The following CA5B variants were observed in gnomAD, a reference collection of about 807,000 sequenced individuals.
CA5B encodes carbonic anhydrase 5B, mitochondrial.
Under a neutral mutation model 23.1 loss-of-function variants are expected in CA5B, and 15 were observed. The ratio of observed to expected loss-of-function variants is 0.65; its 90% CI spans 0.43 to 1.00. The LOEUF (loss-of-function observed/expected upper bound fraction) is 1.00, where lower values mean the gene tolerates loss of function less well. Among genes scored for constraint, CA5B ranks in the 50% least tolerant of loss-of-function variants. CA5B has a pLI of 0.00. For missense variants in CA5B, 236 were observed against 252.2 expected (o/e 0.94, Z 0.43); for synonymous variants, 84 against 98.5 (o/e 0.85, Z 0.87).
At position 15,756,825 on chromosome X, in the gene CA5B, C is replaced by T. The variant is rs537685732; in HGVS notation, c.142+6660C>T. 4.5e-5 allele frequency among the ~76,000 whole-genome samples: 5 copies of T among 110,961 alleles called. No individual in the cohort carries two copies. The South Asian group carries it at 1.5e-3, about 34-fold the overall frequency. On this transcript the variant is annotated intron_variant, in intron 2 of 7. Coordinates refer to ENST00000318636, the MANE Select transcript of CA5B (RefSeq NM_007220.4). ...ATCCCAGCACTTTGGGAGGCCAAGG[C>T]GGGTGGATCACAAGGTCAGGAGATC...
At chrX:15,750,356 A>T in intron 2 of CA5B, 191 bp downstream of exon 2, 1 of 385,913 alleles carries the variant, frequency 2.6e-6, no homozygotes, top group Non-Finnish European at 4.5e-6. Flanking sequence ...CCAGTGTAGG[A>T]TTATATGCCT....
chrX:15,747,526 A>G (rs1931259791), intron 1 of CA5B, among the ~76,000 whole-genome samples: 1 of 110,469 alleles, frequency 9.1e-6, no homozygotes, highest in African/African-American at 3.3e-5. Flanking sequence ...GAGGGGGGGT[A>G]GAAGATGTAT....
intron 2 of CA5B, 93 bp from the exon 3 acceptor site, chrX:15,764,485 C>G: frequency 1.7e-6 from 2 of 1,157,938 alleles, no homozygotes; most frequent in Non-Finnish European, 2.3e-6. Context: ...AGTGATCCAC[C>G]CGCCTTGGCC....
chrX:15,741,098 C>T (rs1931110451), intron 1 of CA5B, among the ~76,000 whole-genome samples: 1 of 108,915 alleles, frequency 9.2e-6, no homozygotes, highest in African/African-American at 3.3e-5. Context: ...GACGGAGTCT[C>T]GCCCTGTCAC....
intron 7 of CA5B, among the ~76,000 whole-genome samples, chrX:15,778,957 A>G (rs1480507492): frequency 9.0e-6 from 1 of 111,628 alleles, no homozygotes; most frequent in East Asian, 2.8e-4. Context: ...AAAAAAAATT[A>G]AGAAAGACAA....
chrX:15,756,476 T>A (rs1435944331), intron 2 of CA5B, among the ~76,000 whole-genome samples: 1 of 112,687 alleles, frequency 8.9e-6, no homozygotes, highest in African/African-American at 3.2e-5. Flanking sequence ...TGCTAAATGG[T>A]ATGAAAGCAA....
chrX:15,752,997 C>T (rs1315739196), intron 2 of CA5B, among the ~76,000 whole-genome samples: 2 of 111,008 alleles, frequency 1.8e-5, no homozygotes, highest in South Asian at 3.8e-4. Flanking sequence ...GCCCCCCCAA[C>T]CCCCACCCCA....
intron 7 of CA5B, among the ~76,000 whole-genome samples, chrX:15,777,862 G>A (rs775105145): frequency 9.0e-6 from 1 of 111,553 alleles, no homozygotes; most frequent in Non-Finnish European, 1.9e-5. Context: ...CAAATAGTAG[G>A]TTTTGAATGG....
chrX:15,747,514 A>G (rs1411543940), intron 1 of CA5B, among the ~76,000 whole-genome samples: 1 of 109,607 alleles, frequency 9.1e-6, no homozygotes, highest in African/African-American at 3.3e-5. Flanking sequence ...GAAAAATGGC[A>G]GGAGGGGGGG....
At position 15,786,584 on chromosome X, in the gene CA5B, G is replaced by T. The variant is rs917097958; in HGVS notation, c.*3920G>T. ...GAAGATTGTATTAAAATTGCTGTCC[G>T]TCTTCATTAAATAATACTAGATCGA... is the stretch of plus-strand genomic sequence containing the variant. On this transcript the variant is annotated 3_prime_UTR_variant, in exon 8 of 8. Coordinates refer to ENST00000318636, the MANE Select transcript of CA5B (RefSeq NM_007220.4). The T allele has an allele frequency of 1.8e-5, 2 of 111,201 alleles. No homozygotes were observed. Among genetic ancestry groups the T allele is most frequent in the Non-Finnish European group, 3.8e-5 (2 of 53,078 alleles). 9.2% of individuals were successfully genotyped at this position (111,201 alleles called of 1,213,427 possible).
chrX:15,752,454 G>A (rs940143797), intron 2 of CA5B, among the ~76,000 whole-genome samples: 7 of 112,238 alleles, frequency 6.2e-5, no homozygotes, highest in Admixed American at 1.9e-4. Flanking sequence ...GGCCAGGCGC[G>A]ATGGCTTACG....
At chrX:15,771,204 C>CA (rs758945690) in intron 3 of CA5B, among the ~76,000 whole-genome samples, 954 of 30,160 alleles carry the variant, frequency 0.032, 57 homozygotes, top group Middle Eastern at 0.037. Context: ...CTCATCTCTA[C>CA]AAAAAAAAAA....
intron 3 of CA5B, 94 bp downstream of exon 3, chrX:15,764,869 C>T (rs1390176163): frequency 1.0e-6 from 1 of 982,336 alleles, no homozygotes; most frequent in Admixed American, 3.3e-5. Flanking sequence ...TAGTATTGAC[C>T]TCTTTGTGAG....
chrX:15,775,092 T>G (rs1347481246), intron 5 of CA5B, 154 bp from the exon 6 acceptor site: 1 of 131,903 alleles, frequency 7.6e-6, no homozygotes, highest in African/African-American at 3.2e-5. Context: ...CAGTAATGTT[T>G]ATAAAATTAT....
chrX:15,746,193 A>G (rs972073474), intron 1 of CA5B, among the ~76,000 whole-genome samples: 1 of 108,597 alleles, frequency 9.2e-6, no homozygotes, highest in Non-Finnish European at 1.9e-5. Flanking sequence ...CTACAGGTGC[A>G]CGCCACCACG....
Position 15,747,136 on chromosome X carries a change from A to G in CA5B, c.-53-2835A>G, listed in dbSNP as rs141780524. ...AAGTTAGTTCAGCCTATGTCCAGGA[A>G]TGAACAAAGACAGCCTAAAGGTTAG... On this transcript the variant is annotated intron_variant, in intron 1 of 7. Coordinates refer to ENST00000318636, the MANE Select transcript of CA5B (RefSeq NM_007220.4). Among the ~76,000 whole-genome samples, 290 of 112,107 alleles carry G rather than the reference A, an allele frequency of 2.6e-3. 1 individual carries two copies. Among genetic ancestry groups the G allele is most frequent in the African/African-American group, 8.5e-3 (261 of 30,850 alleles).
chrX:15,776,899 G>A, intron 7 of CA5B, 30 bp downstream of exon 7: 1 of 1,167,843 alleles, frequency 8.6e-7, no homozygotes, highest in South Asian at 1.8e-5. Flanking sequence ...TCAATCTAAG[G>A]AAATCCTTGT....
chrX:15,751,618 T>C (rs1376411829), intron 2 of CA5B, among the ~76,000 whole-genome samples: 2 of 109,724 alleles, frequency 1.8e-5, no homozygotes, highest in African/African-American at 6.6e-5. Flanking sequence ...CTGCTTTTAG[T>C]GCTGACAAAA....
intron 6 of CA5B, 132 bp downstream of exon 6, chrX:15,775,440 C>G (rs17301840): frequency 0.094 from 95,117 of 1,011,868 alleles, 3,353 homozygotes; most frequent in South Asian, 0.13. Context: ...AGAAAACTTG[C>G]CATTTATGAT....
Sources: gnomAD v4.1 joint callset for allele counts (sites outside exome capture counted in the v4.1 genomes callset) on GRCh38, gnomAD v4.1.1 for gene constraint, MANE v1.5 for transcripts, NCBI Gene and HGNC (gene_info 2026-07-23, HGNC 2026-07-21) for gene names.